The following WDPCP variants were observed in gnomAD, a reference collection of about 807,000 sequenced individuals.
The protein encoded by WDPCP is WD repeat containing planar cell polarity effector, also known as WD repeat-containing and planar cell polarity effector protein fritz homolog.
Under a neutral mutation model 93.1 loss-of-function variants are expected in WDPCP, and 71 were observed. The ratio of observed to expected loss-of-function variants is 0.76; its 90% confidence interval spans 0.63 to 0.93. The LOEUF (loss-of-function observed/expected upper bound fraction) is 0.93. Ranked by LOEUF, WDPCP falls within the 40% of genes least tolerant of loss-of-function variation. The probability of loss-of-function intolerance (pLI) is 0.00; values close to 1 mark genes in which losing one functional copy is unlikely to be tolerated. For missense variants in WDPCP, 844 were observed against 887.4 expected (o/e 0.95, Z 0.62); for synonymous variants, 315 against 315.0 (o/e 1.00, Z 0.00).
rs527457538 is a variant in WDPCP at position 63,536,173 on chromosome 2, A to G, written c.76-43233T>C. The stretch of plus-strand genomic sequence containing the variant: ...CAAAACCACAATGAGATACCATCTC[A>G]CACCAGTTAGAATGGCGATCATTAA... On this transcript the variant is annotated intron_variant, in intron 1 of 17. Coordinates refer to ENST00000272321, the MANE Select transcript of WDPCP (RefSeq NM_015910.7). Among the ~76,000 whole-genome samples the G allele has an allele frequency of 1.2e-4, 19 of 152,342 alleles. No homozygotes were observed. The South Asian group carries it at 3.7e-3, about 30-fold the overall frequency.
At chr2:63,761,325 T>A (rs576080095) in intron 2 of WDPCP, among the ~76,000 whole-genome samples, 27 of 152,302 alleles carry the variant, frequency 1.8e-4, no homozygotes, top group African/African-American at 6.5e-4. Context: ...TATTTTGATG[T>A]TGGACTTCTT....
chr2:63,415,589 T>TA (rs1695358647), intron 9 of WDPCP, among the ~76,000 whole-genome samples: 1 of 152,224 alleles, frequency 6.6e-6, no homozygotes, highest in Non-Finnish European at 1.5e-5. Context: ...TAATAAGTGA[T>TA]AGAGTTGCAG....
chr2:63,429,177 T>C (rs1170800987), intron 9 of WDPCP, among the ~76,000 whole-genome samples: 1 of 152,142 alleles, frequency 6.6e-6, no homozygotes, highest in East Asian at 1.9e-4. Context: ...TAATTCACGA[T>C]TAAATTAAAC....
chr2:63,493,850 T>C (rs547420272), intron 1 of WDPCP, among the ~76,000 whole-genome samples: 1 of 152,296 alleles, frequency 6.6e-6, no homozygotes, highest in Non-Finnish European at 1.5e-5. Flanking sequence ...ATTTTCTTTA[T>C]AGAATCAGGA....
intron 1 of WDPCP, among the ~76,000 whole-genome samples, chr2:63,497,603 G>T (rs1444354990): frequency 6.6e-6 from 1 of 152,116 alleles, no homozygotes; most frequent in Non-Finnish European, 1.5e-5. Flanking sequence ...GGCAAGGTGG[G>T]AGAGGACCAA....
At chr2:63,157,481 C>T (rs528050048) in intron 15 of WDPCP, among the ~76,000 whole-genome samples, 5 of 152,204 alleles carry the variant, frequency 3.3e-5, no homozygotes, top group African/African-American at 1.2e-4. Flanking sequence ...TTTCTCTCAA[C>T]GAATTCACCA....
rs140728079 is a variant in WDPCP at position 63,322,578 on chromosome 2, G to A, written c.1749-9267C>T. On this transcript the variant is annotated intron_variant, in intron 12 of 17. Coordinates refer to ENST00000272321, the MANE Select transcript of WDPCP (RefSeq NM_015910.7). ...TGTAGCACTCACTGCGAAGGTCTGCGGCTTCACTCCTGAAGTCAGCGAGAC... is the reference window on the plus strand; with the variant it reads ...TGTAGCACTCACTGCGAAGGTCTGCAGCTTCACTCCTGAAGTCAGCGAGAC... Among the ~76,000 whole-genome samples, 459 of 151,832 alleles carry A rather than the reference G, an allele frequency of 3.0e-3. 4 individuals are homozygous for A. In the Middle Eastern group the frequency reaches 0.031, roughly 10 times the overall value.
intron 12 of WDPCP, among the ~76,000 whole-genome samples, chr2:63,344,647 C>T (rs2104489192): frequency 6.6e-6 from 1 of 152,316 alleles, no homozygotes; most frequent in Non-Finnish European, 1.5e-5. Context: ...CATCCCTTGA[C>T]TGAGACAGCT....
chr2:63,553,663 T>C (rs1432570672), intron 1 of WDPCP, among the ~76,000 whole-genome samples: 1 of 152,190 alleles, frequency 6.6e-6, no homozygotes, highest in Non-Finnish European at 1.5e-5. Context: ...TCTTGGTAAG[T>C]AGAGCATTCA....
At chr2:63,246,500 A>G (rs1242507510) in intron 14 of WDPCP, among the ~76,000 whole-genome samples, 8 of 152,200 alleles carry the variant, frequency 5.3e-5, no homozygotes, top group Non-Finnish European at 1.0e-4. Context: ...AGATCAATGA[A>G]GAGTAAATAT....
At chr2:63,213,534 A>T (rs1677028930) in intron 14 of WDPCP, among the ~76,000 whole-genome samples, 1 of 152,220 alleles carries the variant, frequency 6.6e-6, no homozygotes, top group South Asian at 2.1e-4. Context: ...AAGATCTAAA[A>T]TTGACACCCT....
rs70965143 is a variant in WDPCP, at chr2:63,782,740, ATGTG to A, written n.308+30878_308+30881del. ...CTGAAGCAGTCAGTCCACAGGCAAC[ATGTG>A]TGTGTGTGTGTGTGTGTGTGTGTGT... On this transcript the variant is annotated intron_variant and non_coding_transcript_variant, in intron 2 of 4. Coordinates refer to the WDPCP transcript ENST00000467687. Among the ~76,000 whole-genome samples the A allele has an allele frequency of 4.5e-3, 639 of 141,182 alleles. 5 individuals are homozygous for A. The highest frequency in any genetic ancestry group is 0.022 in the East Asian group (107 of 4,896). The allele number at this position is 141,182 out of a possible 152,430, so 92.6% of individuals were successfully genotyped here.
At chr2:63,433,300 A>C (rs1397443095) in intron 9 of WDPCP, among the ~76,000 whole-genome samples, 1 of 152,226 alleles carries the variant, frequency 6.6e-6, no homozygotes, top group Non-Finnish European at 1.5e-5. Flanking sequence ...TTGGTAATAA[A>C]AGCTTTCACA....
chr2:63,142,987 G>C (rs1015593896), intron 17 of WDPCP, among the ~76,000 whole-genome samples: 1 of 151,592 alleles, frequency 6.6e-6, no homozygotes, highest in African/African-American at 2.4e-5. Flanking sequence ...GAGTTTTGCT[G>C]TCATCCAGGC....
At chr2:63,537,179 C>T (rs1026007275) in intron 1 of WDPCP, among the ~76,000 whole-genome samples, 9 of 152,250 alleles carry the variant, frequency 5.9e-5, no homozygotes, top group Admixed American at 5.2e-4. Context: ...AAATTTGTGC[C>T]GCCTTTACTA....
Position 63,487,447 on chromosome 2 carries a change from C to G in WDPCP, c.208G>C (p.Ala70Pro). 1 of 1,587,992 alleles carries G rather than the reference C, an allele frequency of 6.3e-7. No individual in the cohort carries two copies. ...YQYYDKKDPP[A>P]TEHGNLEKKQ... is the part of the protein sequence containing the mutation. ...TAATTGCACAGAATAGGTACTTTAC[C>G]TGGTGGATCTTTCTTGTCATAATAC... is the stretch of plus-strand genomic sequence containing the variant. The change falls in exon 3 of 18, where the codon GCG becomes CCG. Residue 70 changes from alanine (A) to proline (P), a missense_variant and splice_region_variant. Ala to Pro is a conservative substitution (Grantham distance 27). Coordinates refer to ENST00000272321, the MANE Select transcript of WDPCP (RefSeq NM_015910.7).
intron 13 of WDPCP, among the ~76,000 whole-genome samples, chr2:63,260,590 G>A (rs140804034): frequency 1.0e-3 from 156 of 152,226 alleles, no homozygotes; most frequent in Non-Finnish European, 2.0e-3. Flanking sequence ...TCACTCTGTT[G>A]CCAGGCTGGA....
chr2:63,813,293 C>A (rs1670887072), intron 2 of WDPCP, among the ~76,000 whole-genome samples: 1 of 152,156 alleles, frequency 6.6e-6, no homozygotes, highest in South Asian at 2.1e-4. Flanking sequence ...AGGAGAAGCA[C>A]AGGTTTCAGG....
chr2:63,158,795 C>T (rs1054863225), intron 15 of WDPCP, among the ~76,000 whole-genome samples: 4 of 151,780 alleles, frequency 2.6e-5, no homozygotes, highest in African/African-American at 7.3e-5. Context: ...CATTGACTTC[C>T]CTTTGTTATC....
Sources: allele counts gnomAD v4.1 joint callset (sites outside exome capture counted in the v4.1 genomes callset), GRCh38; gene constraint gnomAD v4.1.1; transcripts MANE v1.5; gene names NCBI Gene and HGNC (gene_info 2026-07-23, HGNC 2026-07-21).